SYN2: variants seen among roughly 807,000 people sequenced by gnomAD.
SYN2 encodes synapsin II, also known as synapsin-2.
A neutral mutation model predicts 50.9 loss-of-function variants in SYN2; 19 were observed. The ratio of observed to expected loss-of-function variants is 0.37; its 90% confidence interval spans 0.26 to 0.55. The LOEUF (loss-of-function observed/expected upper bound fraction) is 0.55. Ranked by LOEUF, SYN2 falls within the 20% of genes least tolerant of loss-of-function variation. The pLI is 0.81. For synonymous variants in SYN2, 255 were observed against 224.9 expected, an observed-to-expected ratio of 1.13 and a Z score of -1.20; for missense variants, 587 against 576.4, an observed-to-expected ratio of 1.02 and a Z score of -0.19.
At chr3:12,091,787 G>C (rs1195674952) in intron 1 of SYN2, among the ~76,000 whole-genome samples, 14 of 152,198 alleles carry the variant, frequency 9.2e-5, no homozygotes, top group Non-Finnish European at 1.9e-4. Context: ...TCTGCAGGCT[G>C]TCTATTGGAA....
chr3:12,141,054 G>C (rs1488699183), intron 2 of SYN2, among the ~76,000 whole-genome samples: 1 of 152,136 alleles, frequency 6.6e-6, no homozygotes, highest in African/African-American at 2.4e-5. Context: ...ATTGTTGGTG[G>C]CAAGATATTT....
At position 12,005,730 on chromosome 3, in the gene SYN2, C is replaced by T. The variant is rs527632762; in HGVS notation, c.377+802C>T. Among the ~76,000 whole-genome samples the T allele has an allele frequency of 5.3e-5, 8 of 151,046 alleles. No individual in the cohort carries two copies. In the East Asian group the frequency reaches 1.6e-3, roughly 30 times the overall value. ...GGGGTACAAATAAAAGGAGACCTGCCTTAATGTAGTAGATGGGAAACTTCA... is the reference window on the plus strand; with the variant it reads ...GGGGTACAAATAAAAGGAGACCTGCTTTAATGTAGTAGATGGGAAACTTCA... On this transcript the variant is annotated intron_variant, in intron 1 of 12. Coordinates refer to ENST00000621198, the MANE Select transcript of SYN2 (RefSeq NM_133625.6).
At chr3:12,105,530 C>G (rs1236076972) in intron 1 of SYN2, among the ~76,000 whole-genome samples, 2 of 126,556 alleles carry the variant, frequency 1.6e-5, no homozygotes, top group South Asian at 5.1e-4. Context: ...CCTAGGTAGC[C>G]CCTGAAAAGG....
chr3:12,121,354 G>A (rs1696553579), intron 1 of SYN2, among the ~76,000 whole-genome samples: 1 of 152,184 alleles, frequency 6.6e-6, no homozygotes, highest in African/African-American at 2.4e-5. Flanking sequence ...TATGGTGGAT[G>A]TTTAATAAAT....
chr3:12,005,269 CAT>C (rs1693772717), intron 1 of SYN2, among the ~76,000 whole-genome samples: 1 of 152,100 alleles, frequency 6.6e-6, no homozygotes, highest in South Asian at 2.1e-4. Flanking sequence ...AGCTTAGACA[CAT>C]AAAATCTGAA....
intron 5 of SYN2, chr3:12,157,379 A>G (rs1697488842): frequency 1.9e-6 from 3 of 1,613,926 alleles, no homozygotes; most frequent in Non-Finnish European, 2.5e-6. Flanking sequence ...GCCTGCCCCC[A>G]TGTACCTTTA....
chr3:12,005,735 T>G (rs1693788624), intron 1 of SYN2, among the ~76,000 whole-genome samples: 1 of 149,808 alleles, frequency 6.7e-6, no homozygotes, highest in Non-Finnish European at 1.5e-5. Context: ...CCTGCCTTAA[T>G]GTAGTAGATG....
At chr3:12,040,484 G>T (rs1003991519) in intron 1 of SYN2, among the ~76,000 whole-genome samples, 7 of 144,286 alleles carry the variant, frequency 4.9e-5, no homozygotes, top group Non-Finnish European at 1.0e-4. Flanking sequence ...TCAGGCTGGA[G>T]TGCGGTGGCG....
chr3:12,153,359 C>T (rs968679742), intron 5 of SYN2: 34 of 850,278 alleles, frequency 4.0e-5, no homozygotes, highest in Admixed American at 2.1e-4. Context: ...AAAGTCATGG[C>T]CCCTTCCCTG....
rs370811227 is a variant in SYN2, at chr3:12,167,298, A to G, written c.1045A>G (p.Met349Val). Residue 349 changes from methionine (M) to valine (V), a missense_variant, in exon 8 of 13, where the codon ATG (methionine) becomes GTG (valine). Coordinates refer to ENST00000621198, the MANE Select transcript of SYN2 (RefSeq NM_133625.6). ...CTCTGCGATGCTGGAGCAGATTGCCATGTCAGACAGGTGAGTTGAGAGAAG... is the reference window on the plus strand; with the variant it reads ...CTCTGCGATGCTGGAGCAGATTGCCGTGTCAGACAGGTGAGTTGAGAGAAG... ...TGSAMLEQIA[M>V]SDRYKLWVDT... 9 of 1,612,248 alleles carry G rather than the reference A, an allele frequency of 5.6e-6. No individual in the cohort carries two copies. Among genetic ancestry groups the G allele is most frequent in the African/African-American group, 1.3e-5 (1 of 74,902 alleles).
At chr3:12,142,054 G>T (rs1289882139) in intron 3 of SYN2, 58 bp downstream of exon 3, 1 of 773,664 alleles carries the variant, frequency 1.3e-6, no homozygotes, top group Non-Finnish European at 2.4e-6. Context: ...ACTACCTCTG[G>T]CCCAAAGAGG....
chr3:12,016,749 G>T (rs1279329059), intron 1 of SYN2, among the ~76,000 whole-genome samples: 1 of 152,046 alleles, frequency 6.6e-6, no homozygotes, highest in Admixed American at 6.6e-5. Flanking sequence ...CCAGCTACTC[G>T]GGAGGCTGAG....
At chr3:12,152,146 G>A (rs114565855) in intron 5 of SYN2, among the ~76,000 whole-genome samples, 168 of 152,268 alleles carry the variant, frequency 1.1e-3, no homozygotes, top group African/African-American at 3.8e-3. Context: ...TTGGCCAAAA[G>A]GGGTCTCCAT....
chr3:12,146,020 C>T (rs1020077755), intron 4 of SYN2, among the ~76,000 whole-genome samples, 185 bp downstream of exon 4: 5 of 152,190 alleles, frequency 3.3e-5, no homozygotes. Context: ...AGGAGCTTCC[C>T]CTGGGACATG....
chr3:12,081,947 A>C (rs1375410370), intron 1 of SYN2, among the ~76,000 whole-genome samples: 1 of 152,176 alleles, frequency 6.6e-6, no homozygotes, highest in Non-Finnish European at 1.5e-5. Context: ...GGTAGAACTG[A>C]AGGACCAATG....
intron 1 of SYN2, among the ~76,000 whole-genome samples, chr3:12,010,590 A>ACTTCGCATCTTT (rs1218383006): frequency 1.3e-5 from 2 of 152,234 alleles, no homozygotes; most frequent in Non-Finnish European, 2.9e-5. Flanking sequence ...TAGATAAACC[A>ACTTCGCATCTTT]CTTCGCATCT....
At chr3:12,187,323 A>G in intron 11 of SYN2, 46 bp from the exon 12 acceptor site, 1 of 1,481,118 alleles carries the variant, frequency 6.8e-7, no homozygotes, top group Non-Finnish European at 9.0e-7. Flanking sequence ...ATAAGGAAAC[A>G]TTTTTATATG....
At chr3:12,075,632 A>G (rs1276409091) in intron 1 of SYN2, among the ~76,000 whole-genome samples, 1 of 152,114 alleles carries the variant, frequency 6.6e-6, no homozygotes, top group Non-Finnish European at 1.5e-5. Flanking sequence ...CAGGGTCATT[A>G]TTTTAAAAGA....
At chr3:12,188,874 C>T (rs1197109044) in intron 12 of SYN2, among the ~76,000 whole-genome samples, 1 of 152,150 alleles carries the variant, frequency 6.6e-6, no homozygotes, top group Non-Finnish European at 1.5e-5. Context: ...CAACTCTAGC[C>T]CCCGCGTGAG....
Sources: gnomAD v4.1 joint callset for allele counts (sites outside exome capture counted in the v4.1 genomes callset) on GRCh38, gnomAD v4.1.1 for gene constraint, MANE v1.5 for transcripts, NCBI Gene and HGNC (gene_info 2026-07-23, HGNC 2026-07-21) for gene names.